Variants in OAS3 observed in about 807,000 individuals in gnomAD.
The protein encoded by OAS3 is 2'-5'-oligoadenylate synthase 3.
A neutral mutation model predicts 113.0 loss-of-function variants in OAS3; 107 were observed. The ratio of observed to expected loss-of-function variants is 0.95; its 90% CI spans 0.81 to 1.11. OAS3 has a LOEUF of 1.11. OAS3 is among the 50% of genes most tolerant of loss of function. OAS3 has a pLI of 0.00. For synonymous variants in OAS3, 552 were observed against 573.6 expected (o/e 0.96, Z 0.54); for missense variants, 1,258 against 1,389.1 (o/e 0.91, Z 1.50).
intron 12 of OAS3, among the ~76,000 whole-genome samples, chr12:112,966,449 A>G (rs1235658060): frequency 6.6e-6 from 1 of 152,204 alleles, no homozygotes; most frequent in Non-Finnish European, 1.5e-5. Flanking sequence ...AGTTCATTCA[A>G]TACATGCATC....
intron 7 of OAS3, among the ~76,000 whole-genome samples, chr12:112,958,880 A>G (rs2043858809): frequency 6.6e-6 from 1 of 152,242 alleles, no homozygotes. Flanking sequence ...GCTGTCAGAC[A>G]GGGACGTTTA....
At chr12:112,943,459 AAAGTGTTTACTTCTCCC>A (rs1189637160) in intron 2 of OAS3, among the ~76,000 whole-genome samples, 1 of 152,166 alleles carries the variant, frequency 6.6e-6, no homozygotes, top group African/African-American at 2.4e-5. Flanking sequence ...GGAATTATGG[AAAGTGTTTACTTCTCCC>A]AAGCCATGCC....
chr12:112,961,001 A>G, intron 7 of OAS3, 70 bp from the exon 8 acceptor site: 8 of 1,446,784 alleles, frequency 5.5e-6, no homozygotes, highest in Non-Finnish European at 7.7e-6. Context: ...AGGCTGGTGA[A>G]TGGATGGGTT....
intron 7 of OAS3, among the ~76,000 whole-genome samples, chr12:112,953,046 G>A (rs536305352): frequency 6.6e-6 from 1 of 151,938 alleles, no homozygotes; most frequent in Non-Finnish European, 1.5e-5. Flanking sequence ...ATGCAGGTTT[G>A]TTACATATGT....
At chr12:112,944,385 C>T in intron 2 of OAS3, 91 bp from the exon 3 acceptor site, 3 of 1,407,504 alleles carry the variant, frequency 2.1e-6, no homozygotes, top group South Asian at 2.3e-5. Context: ...CCCACTCTCT[C>T]TCAGCGCCCC....
rs1036959419 is a variant in OAS3 at position 112,954,942 on chromosome 12, C to T, written c.1657+3967C>T. ...GGCCATTTTCACAATATTGATTCTT[C>T]CTATCCATGAGCATGGAATGTTCTT... On this transcript the variant is annotated intron_variant, in intron 7 of 15. Transcript: ENST00000228928. This position sits in a 1 kb window ranked among gnomAD's most constrained non-coding sequence, Gnocchi z 4.0. Among the ~76,000 whole-genome samples the T allele has an allele frequency of 3.9e-5, 6 of 152,180 alleles. No homozygotes were observed. Among genetic ancestry groups the T allele is most frequent in the Non-Finnish European group, 7.3e-5 (5 of 68,030 alleles).
intron 4 of OAS3, 106 bp from the exon 5 acceptor site, chr12:112,947,840 C>A: frequency 9.6e-7 from 1 of 1,041,194 alleles, no homozygotes; most frequent in Non-Finnish European, 1.4e-6. Context: ...ATCATTTGCC[C>A]CAGGTCACAC....
At chr12:112,966,321 G>A (rs1462901290) in intron 12 of OAS3, among the ~76,000 whole-genome samples, 1 of 152,162 alleles carries the variant, frequency 6.6e-6, no homozygotes, top group Non-Finnish European at 1.5e-5. Context: ...CCCGTCCTGA[G>A]CCCCAGTGTC....
intron 2 of OAS3, among the ~76,000 whole-genome samples, chr12:112,944,016 A>C (rs1011170093): frequency 3.3e-5 from 5 of 152,082 alleles, no homozygotes; most frequent in Admixed American, 2.0e-4. Context: ...ATCAACAACC[A>C]CTGCTAAAGG....
Position 112,941,608 on chromosome 12 carries a change from C to T in OAS3, c.216C>T (p.Gly72=), listed in dbSNP as rs2043679958. 6.2e-7 allele frequency: 1 copy of T among 1,613,896 alleles called. No individual in the cohort carries two copies. The highest frequency in any genetic ancestry group is 1.3e-5 in the African/African-American group (1 of 74,928). The change falls in exon 2 of 16, where the codon GGC becomes GGT. Residue 72 remains glycine (G), a synonymous_variant. Transcript: ENST00000228928. ...SSGRGTALKG[G]CDSELVIFLD... Reference sequence around the variant, plus strand: ...GCCGGGGCACAGCTCTCAAGGGTGGCTGTGATTCTGAACTTGTCATCTTCC... The same window carrying T: ...GCCGGGGCACAGCTCTCAAGGGTGGTTGTGATTCTGAACTTGTCATCTTCC...
chr12:112,939,295 C>T (rs1480510615), intron 1 of OAS3, among the ~76,000 whole-genome samples: 1 of 141,470 alleles, frequency 7.1e-6, no homozygotes, highest in African/African-American at 2.6e-5. Flanking sequence ...AATTACTACT[C>T]TGAGTCACAT....
At chr12:112,942,554 A>G (rs2043689288) in intron 2 of OAS3, among the ~76,000 whole-genome samples, 1 of 152,008 alleles carries the variant, frequency 6.6e-6, no homozygotes, top group Admixed American at 6.6e-5. Context: ...AAATAATAAT[A>G]ATTTTAAAAA....
Position 112,961,072 on chromosome 12 carries a change from G to A in OAS3, c.1659G>A (p.Gly553=). 1.2e-6 allele frequency: 2 copies of A among 1,612,970 alleles called. No individual in the cohort carries two copies. The highest frequency in any genetic ancestry group is 8.5e-7 in the Non-Finnish European group (1 of 1,179,520). The stretch of plus-strand genomic sequence containing the variant: ...TCAGGGTGTTTCAAACTTCTACAGG[G>A]CAGCTCAGTTCTGGCACCAAACCAA... ...VSLLPAFDAV[G]QLSSGTKPNP... Residue 553 remains glycine, a splice_region_variant and synonymous_variant, in exon 8 of 16, where the codon GGG becomes GGA. Transcript: ENST00000228928.
At chr12:112,969,783 T>A (rs201553594) in intron 15 of OAS3, 28 bp downstream of exon 15, 1 of 1,609,866 alleles carries the variant, frequency 6.2e-7, no homozygotes, top group African/African-American at 1.3e-5. Context: ...CCAAAGGAAG[T>A]ACCCTTTAGG....
At chr12:112,942,165 C>T (rs556943546) in intron 2 of OAS3, 22 of 541,558 alleles carry the variant, frequency 4.1e-5, no homozygotes, top group Middle Eastern at 4.8e-4. Context: ...GAAAGCTAAG[C>T]CAAGTGGACA....
intron 11 of OAS3, among the ~76,000 whole-genome samples, chr12:112,964,977 C>T (rs558293027): frequency 1.4e-4 from 22 of 152,304 alleles, no homozygotes; most frequent in African/African-American, 4.1e-4. Context: ...AAGTGGCCCC[C>T]GCCTAGTCCT....
rs749486999 is a variant in OAS3 at position 112,965,924 on chromosome 12, G to T, written c.2584G>T (p.Val862Phe). 1.2e-6 allele frequency: 2 copies of T among 1,613,832 alleles called. No homozygotes were observed. Among genetic ancestry groups the T allele is most frequent in the Non-Finnish European group, 1.7e-6 (2 of 1,179,836 alleles). ...GCGGCAGTTCGAGGTCAAGTTTGAA[G>T]TCTCCAAATGGGAGAATCCCCGCGT... Reference protein sequence around the residue: ...QERQFEVKFEVSKWENPRVLS... With the variant: ...QERQFEVKFEFSKWENPRVLS... The change falls in exon 12 of 16, where the codon GTC (valine) becomes TTC (phenylalanine). Residue 862 changes from valine (V) to phenylalanine (F), a missense_variant. Physicochemically the swap from Val to Phe is conservative, Grantham distance 50 (BLOSUM62 -1). Transcript: ENST00000228928.
chr12:112,961,848 T>G (rs60439830), intron 8 of OAS3, among the ~76,000 whole-genome samples: 3,101 of 151,864 alleles, frequency 0.02, 90 homozygotes, highest in African/African-American at 0.071. Context: ...CAGGCTGGAG[T>G]GCTGTGGCAC....
At chr12:112,951,304 TC>T (rs1436554457) in intron 7 of OAS3, among the ~76,000 whole-genome samples, 1 of 152,200 alleles carries the variant, frequency 6.6e-6, no homozygotes, top group Non-Finnish European at 1.5e-5. Context: ...GTTATAATTT[TC>T]TTCCTTATTT....
Sources: allele counts gnomAD v4.1 joint callset (sites outside exome capture counted in the v4.1 genomes callset), GRCh38; gene constraint gnomAD v4.1.1; non-coding constraint Gnocchi (gnomAD v3.1); transcripts MANE v1.5; gene names NCBI Gene and HGNC (gene_info 2026-07-23, HGNC 2026-07-21).